Variants in ENTREP3 observed in about 807,000 individuals in gnomAD.
ENTREP3 encodes the protein endosomal transmembrane epsin interactor 3, also known as protein ENTREP3.
the ENTREP3 span, chr1:155,248,445 C>T: frequency 1.2e-6 from 2 of 1,613,842 alleles, no homozygotes; most frequent in South Asian, 2.2e-5. Flanking sequence ...CTTCCTCAAG[C>T]ACTTTGGTAT....
the ENTREP3 span, chr1:155,251,138 G>A: frequency 8.7e-6 from 14 of 1,611,902 alleles, no homozygotes; most frequent in East Asian, 1.3e-4. Flanking sequence ...ACGAGCCATC[G>A]TGAAGCTGAG....
chr1:155,252,768 G>C, the ENTREP3 span: 1 of 86,344 alleles, frequency 1.2e-5, no homozygotes, highest in Non-Finnish European at 2.1e-5. Context: ...TCTTGCTCTT[G>C]TCGCCCAGGC....
chr1:155,247,884 A>G, the ENTREP3 span: 1 of 1,563,570 alleles, frequency 6.4e-7, no homozygotes, highest in African/African-American at 1.4e-5. Context: ...GGGAAGAGCT[A>G]GAGCTCAGAT....
chr1:155,251,235 G>C, the ENTREP3 span: 1 of 1,271,448 alleles, frequency 7.9e-7, no homozygotes, highest in Non-Finnish European at 1.1e-6. Flanking sequence ...CAGAGCTCTG[G>C]AGACTTAGAT....
At chr1:155,248,404 C>A in the ENTREP3 span, 1 of 1,614,028 alleles carries the variant, frequency 6.2e-7, no homozygotes, top group South Asian at 1.1e-5. Context: ...ACATGCCTGA[C>A]CTGTATCTGC....
At chr1:155,255,022 G>C in the ENTREP3 span, 1 of 652,496 alleles carries the variant, frequency 1.5e-6, no homozygotes, top group Non-Finnish European at 2.6e-6. This position sits in a 1 kb window ranked among gnomAD's most constrained non-coding sequence, Gnocchi z 5.6. Flanking sequence ...GGGCATGGCC[G>C]AGGGACGCCA....
At chr1:155,248,859 C>T in the ENTREP3 span, among the ~76,000 whole-genome samples, 1 of 151,440 alleles carries the variant, frequency 6.6e-6, no homozygotes, top group Non-Finnish European at 1.5e-5. Context: ...GGATTACAGG[C>T]GTCCACCACC....
chr1:155,253,780 C>T, the ENTREP3 span: 7 of 1,608,340 alleles, frequency 4.4e-6, no homozygotes, highest in East Asian at 8.9e-5. Context: ...CTAAGTTCCA[C>T]ACATTATGGG....
the ENTREP3 span, chr1:155,250,484 G>A: frequency 2.0e-6 from 3 of 1,484,590 alleles, no homozygotes; most frequent in Non-Finnish European, 1.8e-6. This position sits in a 1 kb window ranked among gnomAD's most constrained non-coding sequence, Gnocchi z 5.4. Context: ...CGGGGAAGCA[G>A]GGTCCCACCC....
At chr1:155,251,709 C>T in the ENTREP3 span, 6 of 1,612,648 alleles carry the variant, frequency 3.7e-6, no homozygotes, top group Non-Finnish European at 5.1e-6. Flanking sequence ...TTAGCTCCCC[C>T]AGCAAGACCC....
At chr1:155,250,135 A>G in the ENTREP3 span, 4 of 634,190 alleles carry the variant, frequency 6.3e-6, no homozygotes, top group Admixed American at 1.0e-4. The surrounding 1 kb of genome is among the most constrained non-coding windows in gnomAD (Gnocchi z 5.4). Flanking sequence ...GTACCTGAGA[A>G]GTGTCTACCA....
chr1:155,255,222 GGA>G, the ENTREP3 span: 1 of 412,380 alleles, frequency 2.4e-6, no homozygotes, highest in Non-Finnish European at 4.5e-6. The surrounding 1 kb of genome is among the most constrained non-coding windows in gnomAD (Gnocchi z 5.6). Context: ...GCGGCGGCCT[GGA>G]GCCCAGGGAG....
chr1:155,254,603 G>C, the ENTREP3 span: 1 of 1,582,714 alleles, frequency 6.3e-7, no homozygotes, highest in Admixed American at 1.7e-5. This position sits in a 1 kb window ranked among gnomAD's most constrained non-coding sequence, Gnocchi z 4.4. Flanking sequence ...TGGTGTGGAG[G>C]GTGGGGCCCG....
At chr1:155,248,355 G>A in the ENTREP3 span, 1 of 1,613,938 alleles carries the variant, frequency 6.2e-7, no homozygotes, top group East Asian at 2.2e-5. Context: ...AGAGGGGGCT[G>A]GGCAGCCATG....
the ENTREP3 span, chr1:155,254,615 G>A: frequency 6.3e-7 from 1 of 1,587,744 alleles, no homozygotes. The surrounding 1 kb of genome is among the most constrained non-coding windows in gnomAD (Gnocchi z 4.4). Flanking sequence ...TGGGGCCCGA[G>A]GAGCCTCCCC....
chr1:155,250,904 G>T, the ENTREP3 span: 1 of 1,384,526 alleles, frequency 7.2e-7, no homozygotes, highest in Non-Finnish European at 9.8e-7. This position sits in a 1 kb window ranked among gnomAD's most constrained non-coding sequence, Gnocchi z 5.4. Flanking sequence ...CCCAAGCCCA[G>T]CCTCTAGGGG....
chr1:155,253,597 C>T, the ENTREP3 span: 63 of 1,529,772 alleles, frequency 4.1e-5, no homozygotes, highest in Non-Finnish European at 5.2e-5. Context: ...ACCATACCTG[C>T]GTGCCCTGGC....
the ENTREP3 span, chr1:155,250,666 A>G: frequency 6.2e-7 from 1 of 1,612,386 alleles, no homozygotes; most frequent in Non-Finnish European, 8.5e-7. This position sits in a 1 kb window ranked among gnomAD's most constrained non-coding sequence, Gnocchi z 5.4. Flanking sequence ...CTGAGGCAGT[A>G]GCCGGCACGG....
chr1:155,250,434 G>T, the ENTREP3 span: 3 of 1,491,140 alleles, frequency 2.0e-6, no homozygotes, highest in African/African-American at 4.2e-5. The surrounding 1 kb of genome is among the most constrained non-coding windows in gnomAD (Gnocchi z 5.4). Flanking sequence ...CGGGGCTGCG[G>T]CTGGGCGGCC....
Sources: allele counts gnomAD v4.1 joint callset (sites outside exome capture counted in the v4.1 genomes callset), GRCh38; gene constraint gnomAD v4.1.1; non-coding constraint Gnocchi (gnomAD v3.1); transcripts MANE v1.5; gene names NCBI Gene and HGNC (gene_info 2026-07-23, HGNC 2026-07-21).